Variants in SEMA3A observed in about 807,000 individuals in gnomAD.
SEMA3A encodes semaphorin 3A.
In SEMA3A, 29 loss-of-function variants were observed where a neutral mutation model predicts 97.9. The ratio of observed to expected loss-of-function variants is 0.30; its 90% confidence interval spans 0.22 to 0.40. The LOEUF is 0.40. Ranked by LOEUF, SEMA3A falls within the 10% of genes least tolerant of loss-of-function variation. The pLI is 1.00. For synonymous variants in SEMA3A, 321 were observed against 323.7 expected, an observed-to-expected ratio of 0.99 and a Z score of 0.09; for missense variants, 763 against 951.3, an observed-to-expected ratio of 0.80 and a Z score of 2.60.
intron 1 of SEMA3A, among the ~76,000 whole-genome samples, chr7:84,161,810 G>T (rs1388844293): frequency 6.6e-6 from 1 of 152,182 alleles, no homozygotes; most frequent in Non-Finnish European, 1.5e-5. Flanking sequence ...ACTGTAAGAA[G>T]AGATGATATG....
At chr7:84,433,177 T>C (rs991526636) in intron 1 of SEMA3A, among the ~76,000 whole-genome samples, 1 of 151,958 alleles carries the variant, frequency 6.6e-6, no homozygotes, top group African/African-American at 2.4e-5. Context: ...GTTGCACCCA[T>C]CAACCCATCA....
At chr7:83,992,204 TCTC>T (rs1190185717) in intron 12 of SEMA3A, among the ~76,000 whole-genome samples, 3 of 151,564 alleles carry the variant, frequency 2.0e-5, no homozygotes, top group Admixed American at 6.6e-5. Context: ...ATTTGATTCT[TCTC>T]TTTTTTTCTT....
At chr7:84,196,531 T>C (rs1031522116), upstream of SEMA3A, among the ~76,000 whole-genome samples, 15 of 152,216 alleles carry the variant, frequency 9.9e-5, no homozygotes, top group Non-Finnish European at 8.8e-5. Flanking sequence ...ACAGATCTTA[T>C]TGTATTTGTC....
In SEMA3A at chr7:84,150,682, C is replaced by A. The variant is rs1453389355; in HGVS notation, c.113-15731G>T. ...TGGGGGAGGGGCGCCCGCCATTGCC[C>A]AGGCTTGATTAGGTAAACAAAGCAG... is the stretch of plus-strand genomic sequence containing the variant. On this transcript the variant is annotated intron_variant, in intron 1 of 16. Coordinates refer to ENST00000265362, the MANE Select transcript of SEMA3A (RefSeq NM_006080.3). 7.2e-5 allele frequency among the ~76,000 whole-genome samples: 11 copies of A among 152,258 alleles called. No homozygotes were observed. The East Asian group carries it at 9.7e-4, about 13-fold the overall frequency.
At chr7:84,404,437 C>T (rs900289191) in intron 1 of SEMA3A, among the ~76,000 whole-genome samples, 21 of 152,100 alleles carry the variant, frequency 1.4e-4, no homozygotes, top group Non-Finnish European at 1.8e-4. Context: ...CTGAAAGTGA[C>T]GGGGAGAATG....
At chr7:84,266,313 C>CAAAAAAAAAAAA (rs57809084) in intron 3 of SEMA3A, among the ~76,000 whole-genome samples, 1 of 70,482 alleles carries the variant, frequency 1.4e-5, no homozygotes, top group African/African-American at 5.7e-5. Context: ...GATTTGGTCT[C>CAAAAAAAAAAAA]AAAAAAAAAA....
chr7:83,999,796 T>G lies in SEMA3A; in HGVS notation c.1452+2159A>C, dbSNP rs536194846. Among the ~76,000 whole-genome samples, 198 of 152,258 alleles carry G rather than the reference T, an allele frequency of 1.3e-3. 2 individuals carry two copies. Among genetic ancestry groups the G allele is most frequent in the Middle Eastern group, 3.4e-3 (1 of 294 alleles). Reference sequence around the variant, plus strand: ...AATTCTTAAGATAACAATATTTTAGTGTCTCCTGTAACTTCATTTGCAACA... The same window carrying G: ...AATTCTTAAGATAACAATATTTTAGGGTCTCCTGTAACTTCATTTGCAACA... On this transcript the variant is annotated intron_variant, in intron 12 of 16. Transcript: ENST00000265362.
At chr7:83,979,965 A>G (rs1249588822) in intron 14 of SEMA3A, among the ~76,000 whole-genome samples, 2 of 152,190 alleles carry the variant, frequency 1.3e-5, no homozygotes, top group Non-Finnish European at 2.9e-5. Context: ...CTTCTTTGAA[A>G]AAAATAGCTA....
intron 7 of SEMA3A, among the ~76,000 whole-genome samples, chr7:84,012,193 T>A (rs1451656000): frequency 6.6e-6 from 1 of 152,150 alleles, no homozygotes; most frequent in Non-Finnish European, 1.5e-5. Flanking sequence ...TGAATTATAT[T>A]ACTGAAAATT....
chr7:84,304,890 T>C (rs1353923428), intron 3 of SEMA3A, among the ~76,000 whole-genome samples: 6 of 152,190 alleles, frequency 3.9e-5, no homozygotes, highest in Non-Finnish European at 7.4e-5. Context: ...TTTTAGCTAA[T>C]GTGGAATTTT....
intron 1 of SEMA3A, among the ~76,000 whole-genome samples, chr7:84,374,259 T>C (rs1803046065): frequency 6.6e-6 from 1 of 152,238 alleles, no homozygotes; most frequent in Non-Finnish European, 1.5e-5. Flanking sequence ...CAAAGAATTC[T>C]TTAAAATAAT....
In SEMA3A at chr7:83,997,988, G is replaced by A. The variant is rs551114101; in HGVS notation, c.1452+3967C>T. 4.6e-5 allele frequency among the ~76,000 whole-genome samples: 7 copies of A among 151,812 alleles called. No homozygotes were observed. In the South Asian group the frequency reaches 6.2e-4, roughly 14 times the overall value. On this transcript the variant is annotated intron_variant, in intron 12 of 16. Coordinates refer to ENST00000265362, the MANE Select transcript of SEMA3A (RefSeq NM_006080.3). ...CTTGACCTCGTGATTCGCATGCCTCGGCCTCCCAAAGTGCTGGAATTACAG... is the reference window on the plus strand; with the variant it reads ...CTTGACCTCGTGATTCGCATGCCTCAGCCTCCCAAAGTGCTGGAATTACAG...
chr7:84,221,175 C>A (rs1230919205), intron 3 of SEMA3A, among the ~76,000 whole-genome samples: 1 of 152,088 alleles, frequency 6.6e-6, no homozygotes, highest in African/African-American at 2.4e-5. Context: ...CCTCATGAAC[C>A]AAACTCTGCT....
intron 7 of SEMA3A, among the ~76,000 whole-genome samples, chr7:84,013,308 G>A (rs1430551198): frequency 6.6e-6 from 1 of 152,128 alleles, no homozygotes; most frequent in Non-Finnish European, 1.5e-5. Flanking sequence ...TAATCTATAA[G>A]TGTTTATTGA....
chr7:84,202,656 C>T (rs1192390253), intron 3 of SEMA3A, among the ~76,000 whole-genome samples: 2 of 152,128 alleles, frequency 1.3e-5, no homozygotes, highest in African/African-American at 2.4e-5. Flanking sequence ...AACTGGTAAC[C>T]ATTGAAAACA....
At chr7:84,431,661 TAA>T (rs1804984725) in intron 1 of SEMA3A, among the ~76,000 whole-genome samples, 1 of 151,798 alleles carries the variant, frequency 6.6e-6, no homozygotes, top group African/African-American at 2.4e-5. Flanking sequence ...TGATAACATT[TAA>T]AAAAATAATT....
At chr7:84,335,926 C>T (rs536943066) in intron 2 of SEMA3A, among the ~76,000 whole-genome samples, 9 of 151,940 alleles carry the variant, frequency 5.9e-5, no homozygotes, top group Middle Eastern at 3.4e-3. Context: ...AGCTATTTTA[C>T]GTGTTTTTTT....
chr7:84,188,277 A>G (rs1381227788), intron 1 of SEMA3A, among the ~76,000 whole-genome samples: 1 of 152,044 alleles, frequency 6.6e-6, no homozygotes, highest in East Asian at 1.9e-4. Context: ...ATTCAAGTAT[A>G]AATTGTATAT....
intron 2 of SEMA3A, among the ~76,000 whole-genome samples, chr7:84,352,032 C>A: frequency 1.5e-5 from 2 of 137,404 alleles, no homozygotes; most frequent in African/African-American, 2.9e-5. Flanking sequence ...ATGTATTATG[C>A]AGCCATAAGA....
Sources: gnomAD v4.1 joint callset for allele counts (sites outside exome capture counted in the v4.1 genomes callset) on GRCh38, gnomAD v4.1.1 for gene constraint, MANE v1.5 for transcripts, NCBI Gene and HGNC (gene_info 2026-07-23, HGNC 2026-07-21) for gene names.